Variants in EFCAB3 observed in about 807,000 individuals in gnomAD.
EFCAB3 encodes the protein EF-hand calcium binding domain 3.
A neutral mutation model predicts 42.2 loss-of-function variants in EFCAB3; 36 were observed. That is an observed-to-expected ratio of 0.85 (90% CI 0.65 to 1.13). EFCAB3 has a LOEUF of 1.13. Ranked by LOEUF, EFCAB3 falls within the 50% of genes most tolerant of loss-of-function variation. The pLI is 0.00. For missense variants in EFCAB3, 418 were observed against 505.1 expected, an observed-to-expected ratio of 0.83 and a Z score of 1.65; for synonymous variants, 170 against 172.8, an observed-to-expected ratio of 0.98 and a Z score of 0.13.
intron 2 of EFCAB3, 108 bp downstream of exon 2, chr17:62,383,161 G>A: frequency 9.5e-7 from 1 of 1,048,056 alleles, no homozygotes; most frequent in South Asian, 1.7e-5. Context: ...TTACTGGGAA[G>A]CCCCTAAAAA....
At chr17:62,383,771 A>G (rs915755546) in intron 2 of EFCAB3, among the ~76,000 whole-genome samples, 1 of 152,260 alleles carries the variant, frequency 6.6e-6, no homozygotes, top group Non-Finnish European at 1.5e-5. Flanking sequence ...AAAGAAGAAA[A>G]AATTTAGAAG....
intron 6 of EFCAB3, among the ~76,000 whole-genome samples, chr17:62,403,883 C>T (rs2070425977): frequency 6.6e-6 from 1 of 152,208 alleles, no homozygotes; most frequent in African/African-American, 2.4e-5. Context: ...CTCCTGACCT[C>T]AAGTGATCCA....
At position 62,415,211 on chromosome 17, in the gene EFCAB3, T is replaced by C. The variant is rs2070536018; in HGVS notation, c.991-792T>C. ...TTAGATGAGGCAGTCTCCAACCTGG[T>C]ATCCTCCAACCATTCTCCACACAGC... is the stretch of plus-strand genomic sequence containing the variant. On this transcript the variant is annotated intron_variant, in intron 9 of 9. Transcript: ENST00000305286. Among the ~76,000 whole-genome samples the C allele has an allele frequency of 2.6e-5, 4 of 152,152 alleles. No individual in the cohort carries two copies. In the South Asian group the frequency reaches 8.3e-4, roughly 31 times the overall value.
chr17:62,404,800 A>AAT (rs1567727364), intron 6 of EFCAB3, among the ~76,000 whole-genome samples: 7 of 151,778 alleles, frequency 4.6e-5, no homozygotes, highest in African/African-American at 1.7e-4. Flanking sequence ...CCATCTCAAA[A>AAT]AATAATAATA....
At chr17:62,388,582 G>C (rs991627330) in intron 3 of EFCAB3, among the ~76,000 whole-genome samples, 1 of 152,228 alleles carries the variant, frequency 6.6e-6, no homozygotes, top group Admixed American at 6.5e-5. Flanking sequence ...CCAGGAGACA[G>C]AAATGAATCA....
At chr17:62,380,850 C>T (rs2070190650) in intron 1 of EFCAB3, 1 of 152,800 alleles carries the variant, frequency 6.5e-6, no homozygotes, top group Non-Finnish European at 1.5e-5. Context: ...TTTCTGGGCT[C>T]TGAGGTGGAG....
At chr17:62,411,522 A>C (rs2070494474) in intron 8 of EFCAB3, among the ~76,000 whole-genome samples, 1 of 152,200 alleles carries the variant, frequency 6.6e-6, no homozygotes, top group South Asian at 2.1e-4. Flanking sequence ...TAATCCCAGC[A>C]CTTTGGGAGG....
At chr17:62,393,467 T>C (rs2070321684) in intron 4 of EFCAB3, 106 bp from the exon 5 acceptor site, 1 of 904,176 alleles carries the variant, frequency 1.1e-6, no homozygotes, top group Non-Finnish European at 1.7e-6. Context: ...AATGCTCTGT[T>C]TTTAATATTG....
At chr17:62,390,857 G>A (rs539759044) in intron 3 of EFCAB3, among the ~76,000 whole-genome samples, 2 of 152,202 alleles carry the variant, frequency 1.3e-5, no homozygotes, top group African/African-American at 2.4e-5. Flanking sequence ...AGTTTTATTC[G>A]GGTGTCATTT....
intron 3 of EFCAB3, 117 bp from the exon 4 acceptor site, chr17:62,391,705 C>T (rs900820972): frequency 1.1e-5 from 12 of 1,131,686 alleles, no homozygotes; most frequent in Admixed American, 9.8e-5. Flanking sequence ...TCATTTTTTT[C>T]GCAATCCTTT....
chr17:62,404,867 A>G (rs528481079), intron 6 of EFCAB3, among the ~76,000 whole-genome samples: 1 of 152,340 alleles, frequency 6.6e-6, no homozygotes, highest in South Asian at 2.1e-4. Flanking sequence ...GGTATGTAAT[A>G]TACATGAAAC....
chr17:62,399,448 G>A (rs903515954), intron 6 of EFCAB3, among the ~76,000 whole-genome samples: 7 of 150,458 alleles, frequency 4.7e-5, no homozygotes, highest in South Asian at 2.1e-4. Flanking sequence ...GATTACAGGC[G>A]TGAGCCACCG....
At chr17:62,413,285 C>T (rs975538683) in intron 8 of EFCAB3, among the ~76,000 whole-genome samples, 8 of 152,132 alleles carry the variant, frequency 5.3e-5, no homozygotes, top group Non-Finnish European at 5.9e-5. Context: ...AGACAGTTCT[C>T]AGAAACATGA....
chr17:62,405,895 T>C (rs2070443158), intron 6 of EFCAB3, among the ~76,000 whole-genome samples: 1 of 152,212 alleles, frequency 6.6e-6, no homozygotes, highest in Non-Finnish European at 1.5e-5. Context: ...TATTTTCTTT[T>C]CTTTTTTATA....
intron 6 of EFCAB3, among the ~76,000 whole-genome samples, chr17:62,404,665 G>T (rs371880376): frequency 6.6e-6 from 1 of 152,238 alleles, no homozygotes; most frequent in African/African-American, 2.4e-5. Context: ...GCATGGTGGC[G>T]CATGCCTTTA....
chr17:62,410,183 GA>G (rs2070482957), intron 8 of EFCAB3, among the ~76,000 whole-genome samples: 1 of 151,646 alleles, frequency 6.6e-6, no homozygotes, highest in Non-Finnish European at 1.5e-5. Flanking sequence ...TGGGCAATAA[GA>G]GCAAAATTCC....
rs182180906 is a variant in EFCAB3, at chr17:62,372,500, T to C, written c.35-1314T>C. ...TACCACCGTGTTGCCCAGGCTGGTCTCCAACTCCTGGGTTCAAGTGATCTG... is the reference window on the plus strand; with the variant it reads ...TACCACCGTGTTGCCCAGGCTGGTCCCCAACTCCTGGGTTCAAGTGATCTG... On this transcript the variant is annotated intron_variant, in intron 1 of 11. Transcript: ENST00000450662. Among the ~76,000 whole-genome samples the C allele has an allele frequency of 2.0e-3, 305 of 152,234 alleles. 2 individuals carry two copies. Among genetic ancestry groups the C allele is most frequent in the African/African-American group, 7.1e-3 (296 of 41,546 alleles).
At chr17:62,382,923 T>G (rs2070215391) in intron 1 of EFCAB3, 40 bp from the exon 2 acceptor site, 2 of 1,562,452 alleles carry the variant, frequency 1.3e-6, no homozygotes, top group Non-Finnish European at 1.7e-6. Context: ...AAAGAATGAA[T>G]CTGTAAACTG....
At chr17:62,374,809 T>C (rs904788071) in intron 2 of EFCAB3, among the ~76,000 whole-genome samples, 1 of 152,192 alleles carries the variant, frequency 6.6e-6, no homozygotes, top group South Asian at 2.1e-4. Context: ...CAAGCCTGAC[T>C]GTGTTTCAAA....
Sources: allele counts gnomAD v4.1 joint callset (sites outside exome capture counted in the v4.1 genomes callset), GRCh38; gene constraint gnomAD v4.1.1; transcripts MANE v1.5; gene names NCBI Gene and HGNC (gene_info 2026-07-23, HGNC 2026-07-21).